TPPP3: variants seen among roughly 807,000 people sequenced by gnomAD.
TPPP3 encodes the protein tubulin polymerization promoting protein family member 3.
In TPPP3, 7 loss-of-function variants were observed where a neutral mutation model predicts 13.1. The ratio of observed to expected loss-of-function variants is 0.54; its 90% CI spans 0.30 to 1.01. The LOEUF is 1.01. Among genes scored for constraint, TPPP3 ranks in the 50% least tolerant of loss-of-function variants. TPPP3 has a pLI of 0.06. For synonymous variants in TPPP3, 87 were observed against 93.7 expected (o/e 0.93, Z 0.41); for missense variants, 185 against 235.0 (o/e 0.79, Z 1.39).
chr16:67,390,204 T>C lies in TPPP3; in HGVS notation c.501A>G (p.Ala167=). ...DSGYVSAYKN[A]GTYDAKVKK ...TCTTCACCTTGGCATCGTAGGTGCCTGCATTCTTGTAGGCGCTCACGTAGC... is the reference window on the plus strand; with the variant it reads ...TCTTCACCTTGGCATCGTAGGTGCCCGCATTCTTGTAGGCGCTCACGTAGC... The change falls in exon 4 of 4, where the codon GCA becomes GCG. Residue 167 remains alanine, a synonymous_variant. Coordinates refer to ENST00000393957, the MANE Select transcript of TPPP3 (RefSeq NM_015964.4). This position sits in a 1 kb window ranked among gnomAD's most constrained non-coding sequence, Gnocchi z 6.4. 3 of 1,614,216 alleles carry C rather than the reference T, an allele frequency of 1.9e-6. No individual in the cohort carries two copies. The highest frequency in any genetic ancestry group is 2.5e-6 in the Non-Finnish European group (3 of 1,180,024).
rs1416502561 is a variant in TPPP3, at chr16:67,392,527, ACACACCCTCAGCCCTCTGGC to A, written c.-7+833_-7+852del. ...CCTGACCCTCAGCACCCCTTTGTCC[ACACACCCTCAGCCCTCTGGC>A]CACACCCTCAGCCTGCACTGAAGGC... On this transcript the variant is annotated intron_variant, in intron 1 of 3. Coordinates refer to ENST00000393957, the MANE Select transcript of TPPP3 (RefSeq NM_015964.4). The surrounding 1 kb of genome is among the most constrained non-coding windows in gnomAD (Gnocchi z 4.9). Among the ~76,000 whole-genome samples the A allele has an allele frequency of 2.7e-5, 4 of 150,564 alleles. No homozygotes were observed. The highest frequency in any genetic ancestry group is 4.9e-5 in the African/African-American group (2 of 40,742).
chr16:67,393,468 C>T lies in TPPP3; in HGVS notation c.-95G>A, dbSNP rs2040355527. ...CGCGGGAGACCAGGCGGCTCCGCAG[C>T]TCCGCTCCCTGCCGGCTCCCGGGTG... On this transcript the variant is annotated 5_prime_UTR_variant, in exon 1 of 4. Coordinates refer to ENST00000393957, the MANE Select transcript of TPPP3 (RefSeq NM_015964.4). This position sits in a 1 kb window ranked among gnomAD's most constrained non-coding sequence, Gnocchi z 5.4. 1 of 985,480 alleles carries T rather than the reference C, an allele frequency of 1.0e-6. No homozygotes were observed. Among genetic ancestry groups the T allele is most frequent in the Non-Finnish European group, 1.2e-6 (1 of 830,092 alleles). 61.0% of individuals were successfully genotyped at this position (985,480 alleles called of 1,614,324 possible). A position where few individuals can be genotyped will look rare whatever the true frequency, so the allele number is the denominator to read the frequency against.
chr16:67,391,238 T>A lies in TPPP3; in HGVS notation c.-6-121A>T. 9.7e-7 allele frequency: 1 copy of A among 1,033,028 alleles called. No homozygotes were observed. The highest frequency in any genetic ancestry group is 1.4e-6 in the Non-Finnish European group (1 of 717,820). The allele number at this position is 1,033,028 out of a possible 1,614,324, so 64.0% of individuals were successfully genotyped here. ...TGGGCAGGTTCTGCTACAGAGTTGGTGCTGGAGCTGCCTGGGGAGAGGGGC... is the reference window on the plus strand; with the variant it reads ...TGGGCAGGTTCTGCTACAGAGTTGGAGCTGGAGCTGCCTGGGGAGAGGGGC... On this transcript the variant is annotated intron_variant, in intron 1 of 3. Coordinates refer to ENST00000393957, the MANE Select transcript of TPPP3 (RefSeq NM_015964.4). The surrounding 1 kb of genome is among the most constrained non-coding windows in gnomAD (Gnocchi z 6.3).
chr16:67,390,841 C>A lies in TPPP3; in HGVS notation c.188+83G>T. 1 of 1,488,784 alleles carries A rather than the reference C, an allele frequency of 6.7e-7. No individual in the cohort carries two copies. The highest frequency in any genetic ancestry group is 2.0e-5 in the Admixed American group (1 of 49,776). 92.2% of individuals were successfully genotyped at this position (1,488,784 alleles called of 1,614,324 possible). A position where few individuals can be genotyped will look rare whatever the true frequency, so the allele number is the denominator to read the frequency against. ...TCGTGATCATGGTGTTTCCCTGACC[C>A]CTTCTTGATGTCCTCCCTGGTTCCA... On this transcript the variant is annotated intron_variant, in intron 2 of 3. Coordinates refer to ENST00000393957, the MANE Select transcript of TPPP3 (RefSeq NM_015964.4). The surrounding 1 kb of genome is among the most constrained non-coding windows in gnomAD (Gnocchi z 6.4).
At position 67,391,500 on chromosome 16, in the gene TPPP3, C is replaced by G. The variant is rs2040327128; in HGVS notation, c.-6-383G>C. ...AAGTGAGGGTGGCAGAGCAGGCCCC[C>G]TCCCTGGAAGCTCCATGCCAAGCTG... On this transcript the variant is annotated intron_variant, in intron 1 of 3. Transcript: ENST00000393957. This position sits in a 1 kb window ranked among gnomAD's most constrained non-coding sequence, Gnocchi z 6.3. 5.0e-6 allele frequency: 1 copy of G among 199,516 alleles called. No homozygotes were observed. The highest frequency in any genetic ancestry group is 5.4e-5 in the Admixed American group (1 of 18,610). 12.4% of individuals were successfully genotyped at this position (199,516 alleles called of 1,614,324 possible).
chr16:67,392,083 T>G lies in TPPP3; in HGVS notation c.-6-966A>C, dbSNP rs2040334880. 6.5e-6 allele frequency: 1 copy of G among 153,168 alleles called. No individual in the cohort carries two copies. Among genetic ancestry groups the G allele is most frequent in the East Asian group, 1.9e-4 (1 of 5,206 alleles). 9.5% of individuals were successfully genotyped at this position (153,168 alleles called of 1,614,324 possible). A position where few individuals can be genotyped will look rare whatever the true frequency, so the allele number is the denominator to read the frequency against. On this transcript the variant is annotated intron_variant, in intron 1 of 3. Coordinates refer to ENST00000393957, the MANE Select transcript of TPPP3 (RefSeq NM_015964.4). The surrounding 1 kb of genome is among the most constrained non-coding windows in gnomAD (Gnocchi z 4.9). ...CTTCATCATGTCTACACCTCAGACC[T>G]CCCCTGGCCACGCCCTGAACTTGGC...
At position 67,391,514 on chromosome 16, in the gene TPPP3, C is replaced by T. The variant is rs539727854; in HGVS notation, c.-6-397G>A. The stretch of plus-strand genomic sequence containing the variant: ...GAGCAGGCCCCCTCCCTGGAAGCTC[C>T]ATGCCAAGCTGGCTTGGGGCCAGGC... On this transcript the variant is annotated intron_variant, in intron 1 of 3. Coordinates refer to ENST00000393957, the MANE Select transcript of TPPP3 (RefSeq NM_015964.4). This position sits in a 1 kb window ranked among gnomAD's most constrained non-coding sequence, Gnocchi z 6.3. 12 of 194,512 alleles carry T rather than the reference C, an allele frequency of 6.2e-5. No homozygotes were observed. The highest frequency in any genetic ancestry group is 2.8e-4 in the African/African-American group (12 of 43,160). The allele number at this position is 194,512 out of a possible 1,614,324, so 12.0% of individuals were successfully genotyped here. A position where few individuals can be genotyped will look rare whatever the true frequency, so the allele number is the denominator to read the frequency against.
Position 67,390,263 on chromosome 16 carries a change from T to C in TPPP3, c.442A>G (p.Ile148Val). 1 of 1,614,216 alleles carries C rather than the reference T, an allele frequency of 6.2e-7. No homozygotes were observed. The highest frequency in any genetic ancestry group is 8.5e-7 in the Non-Finnish European group (1 of 1,180,024). Reference sequence around the variant, plus strand: ...TCCAGGATGTCCTGCCGTCCCGCAATGCCCTTGCCCTTGCCGCTCTCATCG... The same window carrying C: ...TCCAGGATGTCCTGCCGTCCCGCAACGCCCTTGCCCTTGCCGCTCTCATCG... ...RFDESGKGKG[I>V]AGRQDILDDS... is the part of the protein sequence containing the mutation. Residue 148 changes from isoleucine to valine, a missense_variant, in exon 4 of 4, where the codon ATT (isoleucine) becomes GTT (valine). By Grantham distance (29) the Ile-to-Val change is conservative. Transcript: ENST00000393957. The surrounding 1 kb of genome is among the most constrained non-coding windows in gnomAD (Gnocchi z 6.4).
chr16:67,393,027 A>C lies in TPPP3; in HGVS notation c.-7+353T>G, dbSNP rs1435255859. The C allele has an allele frequency of 1.0e-6, 1 of 985,374 alleles. No individual in the cohort carries two copies. Among genetic ancestry groups the C allele is most frequent in the African/African-American group, 1.7e-5 (1 of 57,248 alleles). 61.0% of individuals were successfully genotyped at this position (985,374 alleles called of 1,614,324 possible). On this transcript the variant is annotated intron_variant, in intron 1 of 3. Coordinates refer to ENST00000393957, the MANE Select transcript of TPPP3 (RefSeq NM_015964.4). This position sits in a 1 kb window ranked among gnomAD's most constrained non-coding sequence, Gnocchi z 5.4. The stretch of plus-strand genomic sequence containing the variant: ...CAAGCACTGGGCGGATCCTGCGTGC[A>C]GTGCTCACTCCTGTCCGTGGAAAGA...
chr16:67,390,282 C>T lies in TPPP3; in HGVS notation c.423G>A (p.Glu141=). 1 of 1,614,258 alleles carries T rather than the reference C, an allele frequency of 6.2e-7. No homozygotes were observed. The highest frequency in any genetic ancestry group is 8.5e-7 in the Non-Finnish European group (1 of 1,180,044). ...YTGSHKERFD[E]SGKGKGIAGR... is the part of the protein sequence containing the mutation. ...CCGCAATGCCCTTGCCCTTGCCGCT[C>T]TCATCGAAGCGCTCCTTGTGGGAGC... The change falls in exon 4 of 4, where the codon GAG becomes GAA. Residue 141 remains glutamate, a synonymous_variant. Transcript: ENST00000393957. This position sits in a 1 kb window ranked among gnomAD's most constrained non-coding sequence, Gnocchi z 6.4.
rs2142208983 is a variant in TPPP3, at chr16:67,390,469, G to T, written c.342+10C>A. 1 of 1,613,268 alleles carries T rather than the reference G, an allele frequency of 6.2e-7. No individual in the cohort carries two copies. The highest frequency in any genetic ancestry group is 1.7e-4 in the Middle Eastern group (1 of 6,060). ...ATTCCGTGGCCACCCGAGACCAGCA[G>T]GGCACTTACAGTGACGCCCACATTG... On this transcript the variant is annotated intron_variant, in intron 3 of 3. Coordinates refer to ENST00000393957, the MANE Select transcript of TPPP3 (RefSeq NM_015964.4). This position sits in a 1 kb window ranked among gnomAD's most constrained non-coding sequence, Gnocchi z 6.4.
At position 67,392,992 on chromosome 16, in the gene TPPP3, G is replaced by A; in HGVS notation, c.-7+388C>T. 1 of 985,504 alleles carries A rather than the reference G, an allele frequency of 1.0e-6. No individual in the cohort carries two copies. Among genetic ancestry groups the A allele is most frequent in the African/African-American group, 1.7e-5 (1 of 57,370 alleles). The allele number at this position is 985,504 out of a possible 1,614,324, so 61.0% of individuals were successfully genotyped here. On this transcript the variant is annotated intron_variant, in intron 1 of 3. Coordinates refer to ENST00000393957, the MANE Select transcript of TPPP3 (RefSeq NM_015964.4). The surrounding 1 kb of genome is among the most constrained non-coding windows in gnomAD (Gnocchi z 4.9). ...TCCAGGGGAGCTTGGATGCCACAGG[G>A]TGCTTGGCCCAAGCACTGGGCGGAT...
At position 67,391,223 on chromosome 16, in the gene TPPP3, C is replaced by T. The variant is rs2040325395; in HGVS notation, c.-6-106G>A. 4.2e-6 allele frequency: 5 copies of T among 1,199,408 alleles called. No homozygotes were observed. 74.3% of individuals were successfully genotyped at this position (1,199,408 alleles called of 1,614,324 possible). A position where few individuals can be genotyped will look rare whatever the true frequency, so the allele number is the denominator to read the frequency against. On this transcript the variant is annotated intron_variant, in intron 1 of 3. Transcript: ENST00000393957. This position sits in a 1 kb window ranked among gnomAD's most constrained non-coding sequence, Gnocchi z 6.3. ...CAAACCTGCAAGACCTGGGCAGGTT[C>T]TGCTACAGAGTTGGTGCTGGAGCTG...
chr16:67,392,715 T>G lies in TPPP3; in HGVS notation c.-7+665A>C, dbSNP rs2142212287. 6.6e-6 allele frequency among the ~76,000 whole-genome samples: 1 copy of G among 152,256 alleles called. No individual in the cohort carries two copies. On this transcript the variant is annotated intron_variant, in intron 1 of 3. Coordinates refer to ENST00000393957, the MANE Select transcript of TPPP3 (RefSeq NM_015964.4). The surrounding 1 kb of genome is among the most constrained non-coding windows in gnomAD (Gnocchi z 4.9). The stretch of plus-strand genomic sequence containing the variant: ...TCGGTCTCAGCAACCATCTTCTAGC[T>G]CTGCCTTTTACACTAGGGCTTCCAG...
In TPPP3 at chr16:67,390,088, G is replaced by C. The variant is rs1160490777; in HGVS notation, c.*86C>G. 1.2e-5 allele frequency: 17 copies of C among 1,416,142 alleles called. No individual in the cohort carries two copies. The East Asian group carries it at 4.0e-4, about 33-fold the overall frequency. 87.7% of individuals were successfully genotyped at this position (1,416,142 alleles called of 1,614,324 possible). A position where few individuals can be genotyped will look rare whatever the true frequency, so the allele number is the denominator to read the frequency against. On this transcript the variant is annotated 3_prime_UTR_variant, in exon 4 of 4. Coordinates refer to ENST00000393957, the MANE Select transcript of TPPP3 (RefSeq NM_015964.4). This position sits in a 1 kb window ranked among gnomAD's most constrained non-coding sequence, Gnocchi z 6.4. ...GGCAGGTCCAGCAGGGAGGGGACCA[G>C]GATCTCTTGCTCCACGTGCCCCTTA...
In TPPP3 at chr16:67,392,891, A is replaced by T. The variant is rs2040346430; in HGVS notation, c.-7+489T>A. 1.2e-6 allele frequency: 1 copy of T among 855,060 alleles called. No individual in the cohort carries two copies. Among genetic ancestry groups the T allele is most frequent in the African/African-American group, 1.8e-5 (1 of 54,374 alleles). The allele number at this position is 855,060 out of a possible 1,614,324, so 53.0% of individuals were successfully genotyped here. Reference sequence around the variant, plus strand: ...GGACCATAACCCCAGTCCACGCTGCACTCCCCTTCCCTTTCCCTGGGTGCA... The same window carrying T: ...GGACCATAACCCCAGTCCACGCTGCTCTCCCCTTCCCTTTCCCTGGGTGCA... On this transcript the variant is annotated intron_variant, in intron 1 of 3. Transcript: ENST00000393957. This position sits in a 1 kb window ranked among gnomAD's most constrained non-coding sequence, Gnocchi z 4.9.
chr16:67,390,956 C>A lies in TPPP3; in HGVS notation c.156G>T (p.Gly52=), dbSNP rs202065104. ...TGGAGAAGACGATGTCCACATCGGT[C>A]CCTGTCACGGACTTTCCGTCAGCCA... is the stretch of plus-strand genomic sequence containing the variant. ...CKVADGKSVT[G]TDVDIVFSKV... is the part of the protein sequence containing the mutation. Residue 52 remains glycine (G), a synonymous_variant, in exon 2 of 4, where the codon GGG becomes GGT. Transcript: ENST00000393957. This position sits in a 1 kb window ranked among gnomAD's most constrained non-coding sequence, Gnocchi z 6.4. 116 of 1,614,078 alleles carry A rather than the reference C, an allele frequency of 7.2e-5. No individual in the cohort carries two copies. The highest frequency in any genetic ancestry group is 9.7e-5 in the Non-Finnish European group (114 of 1,180,020).
Position 67,393,191 on chromosome 16 carries a change from C to T in TPPP3, c.-7+189G>A. The T allele has an allele frequency of 1.6e-6, 1 of 625,336 alleles. No individual in the cohort carries two copies. Among genetic ancestry groups the T allele is most frequent in the Non-Finnish European group, 2.0e-6 (1 of 501,048 alleles). The allele number at this position is 625,336 out of a possible 1,614,324, so 38.7% of individuals were successfully genotyped here. On this transcript the variant is annotated intron_variant, in intron 1 of 3. Coordinates refer to ENST00000393957, the MANE Select transcript of TPPP3 (RefSeq NM_015964.4). The surrounding 1 kb of genome is among the most constrained non-coding windows in gnomAD (Gnocchi z 5.4). ...CCGCTCCCACTGGGACAGCTGGAGT[C>T]ATCAATCAGCCGGACCAGGAGGTGG...
Position 67,389,923 on chromosome 16 carries a change from G to C in TPPP3, c.*251C>G. The C allele has an allele frequency of 2.0e-6, 1 of 506,068 alleles. No individual in the cohort carries two copies. Among genetic ancestry groups the C allele is most frequent in the Non-Finnish European group, 3.5e-6 (1 of 282,744 alleles). 31.3% of individuals were successfully genotyped at this position (506,068 alleles called of 1,614,324 possible). A position where few individuals can be genotyped will look rare whatever the true frequency, so the allele number is the denominator to read the frequency against. ...GTTAGCCATGCCTGGGGCTGGGTTGGGGTCATGAGGCTACAGGCACAGACT... is the reference window on the plus strand; with the variant it reads ...GTTAGCCATGCCTGGGGCTGGGTTGCGGTCATGAGGCTACAGGCACAGACT... On this transcript the variant is annotated 3_prime_UTR_variant, in exon 4 of 4. Coordinates refer to ENST00000393957, the MANE Select transcript of TPPP3 (RefSeq NM_015964.4).
Sources: gnomAD v4.1 joint callset for allele counts (sites outside exome capture counted in the v4.1 genomes callset) on GRCh38, gnomAD v4.1.1 for gene constraint, Gnocchi (gnomAD v3.1) non-coding constraint, MANE v1.5 for transcripts, NCBI Gene and HGNC (gene_info 2026-07-23, HGNC 2026-07-21) for gene names.